The following MAGI2 variants were observed in gnomAD, a reference collection of about 807,000 sequenced individuals.
MAGI2 encodes membrane associated guanylate kinase, WW and PDZ domain containing 2.
MAGI2 carries 35 observed loss-of-function variants against 133.3 expected under a neutral mutation model. The ratio of observed to expected loss-of-function variants is 0.26; its 90% confidence interval spans 0.20 to 0.35. MAGI2 has a LOEUF of 0.35. Among genes scored for constraint, MAGI2 ranks in the 10% least tolerant of loss-of-function variants. The probability of loss-of-function intolerance (pLI) is 1.00; values close to 1 mark genes in which losing one functional copy is unlikely to be tolerated. For missense variants in MAGI2, 1,636 were observed against 1,863.4 expected, an observed-to-expected ratio of 0.88 and a Z score of 2.25; for synonymous variants, 729 against 710.6, an observed-to-expected ratio of 1.03 and a Z score of -0.41.
At chr7:78,717,206 G>T (rs144168866) in intron 2 of MAGI2, among the ~76,000 whole-genome samples, 4 of 152,032 alleles carry the variant, frequency 2.6e-5, no homozygotes, top group Non-Finnish European at 5.9e-5. Context: ...CTGTGTTACC[G>T]TCGAGCCGCC....
chr7:78,204,967 T>C (rs376596662), intron 10 of MAGI2, among the ~76,000 whole-genome samples: 2 of 152,310 alleles, frequency 1.3e-5, no homozygotes, highest in African/African-American at 4.8e-5. Context: ...AACTAGAATA[T>C]ATTTGTAACT....
intron 6 of MAGI2, among the ~76,000 whole-genome samples, chr7:78,424,670 C>G (rs949582339): frequency 6.6e-6 from 1 of 152,156 alleles, no homozygotes; most frequent in Non-Finnish European, 1.5e-5. Flanking sequence ...GGGAACCCAC[C>G]TCTTGTATCA....
chr7:78,140,038 C>A (rs1822582396), intron 16 of MAGI2, among the ~76,000 whole-genome samples: 1 of 152,174 alleles, frequency 6.6e-6, no homozygotes, highest in African/African-American at 2.4e-5. Flanking sequence ...AGCCACATCA[C>A]TACTGAAAGC....
chr7:79,432,219 C>T (rs566960266), intron 1 of MAGI2, among the ~76,000 whole-genome samples: 1 of 152,296 alleles, frequency 6.6e-6, no homozygotes, highest in African/African-American at 2.4e-5. Context: ...GAAAAAGATG[C>T]TTTAAAAATA....
At chr7:79,449,913 C>T (rs929241565) in intron 1 of MAGI2, among the ~76,000 whole-genome samples, 16 of 107,344 alleles carry the variant, frequency 1.5e-4, no homozygotes, top group African/African-American at 5.1e-4. Flanking sequence ...CTTAAAATCC[C>T]AACATTTTAA....
chr7:78,027,176 T>G (rs1326116867), intron 21 of MAGI2, among the ~76,000 whole-genome samples: 1 of 152,188 alleles, frequency 6.6e-6, no homozygotes, highest in Non-Finnish European at 1.5e-5. Context: ...TGAGGGCTCA[T>G]GTCTTCTTCT....
chr7:79,059,134 T>A (rs1291284766), intron 1 of MAGI2, among the ~76,000 whole-genome samples: 1 of 152,102 alleles, frequency 6.6e-6, no homozygotes, highest in African/African-American at 2.4e-5. Context: ...TTTTTAATTA[T>A]ATTATTTTAT....
At chr7:78,087,560 A>T (rs1428427499) in intron 20 of MAGI2, among the ~76,000 whole-genome samples, 1 of 151,708 alleles carries the variant, frequency 6.6e-6, no homozygotes, top group African/African-American at 2.4e-5. Flanking sequence ...TGAGCTTCTG[A>T]GGGTGTATTA....
intron 2 of MAGI2, among the ~76,000 whole-genome samples, chr7:78,773,952 A>G (rs1029747578): frequency 6.6e-6 from 1 of 152,206 alleles, no homozygotes; most frequent in Non-Finnish European, 1.5e-5. Context: ...AATTATAAGA[A>G]TTACCTGCAA....
At position 78,212,310 on chromosome 7, in the gene MAGI2, G is replaced by A. The variant is rs565845384; in HGVS notation, c.2048-11117C>T. 2.0e-5 allele frequency among the ~76,000 whole-genome samples: 3 copies of A among 152,324 alleles called. No homozygotes were observed. The East Asian group carries it at 5.8e-4, about 29-fold the overall frequency. On this transcript the variant is annotated intron_variant, in intron 10 of 21. Coordinates refer to ENST00000354212, the MANE Select transcript of MAGI2 (RefSeq NM_012301.4). ...AAAGATAATTTGCAGATGTGATTAA[G>A]GCTAAAGGCCTTCAGATGCAAAGAG...
intron 2 of MAGI2, among the ~76,000 whole-genome samples, chr7:78,713,085 T>C (rs191685543): frequency 9.9e-5 from 15 of 152,228 alleles, no homozygotes; most frequent in Non-Finnish European, 1.9e-4. Flanking sequence ...AAAAATATGC[T>C]TTTGGAAATG....
At chr7:78,745,750 T>C (rs1360302) in intron 2 of MAGI2, among the ~76,000 whole-genome samples, 68,901 of 152,020 alleles carry the variant, frequency 0.45, 15,843 homozygotes, top group Non-Finnish European at 0.47. Context: ...CCACTTACTA[T>C]TTCCCTTATT....
At chr7:78,922,754 T>C (rs1799362474) in intron 2 of MAGI2, among the ~76,000 whole-genome samples, 1 of 151,942 alleles carries the variant, frequency 6.6e-6, no homozygotes, top group African/African-American at 2.4e-5. Flanking sequence ...TCTAGATCCC[T>C]GAGGAATCGC....
At chr7:78,880,469 C>G (rs1046392181) in intron 2 of MAGI2, among the ~76,000 whole-genome samples, 1 of 152,064 alleles carries the variant, frequency 6.6e-6, no homozygotes, top group African/African-American at 2.4e-5. Flanking sequence ...TCATGTCCCC[C>G]CAAACTAAGC....
intron 1 of MAGI2, among the ~76,000 whole-genome samples, chr7:79,050,737 A>G (rs1448212231): frequency 6.6e-6 from 1 of 152,204 alleles, no homozygotes; most frequent in Non-Finnish European, 1.5e-5. Flanking sequence ...CCCACAAGAC[A>G]ATCAGAAGTT....
At chr7:79,239,390 T>C (rs558157321) in intron 1 of MAGI2, among the ~76,000 whole-genome samples, 1 of 152,298 alleles carries the variant, frequency 6.6e-6, no homozygotes, top group Non-Finnish European at 1.5e-5. Context: ...AGTGTTATGA[T>C]TAATAGTTTC....
intron 6 of MAGI2, among the ~76,000 whole-genome samples, chr7:78,461,933 A>G (rs1563034026): frequency 5.9e-5 from 8 of 136,696 alleles, no homozygotes; most frequent in South Asian, 4.8e-4. Context: ...AAAAAAAAAA[A>G]AAAAAAAAAA....
intron 9 of MAGI2, among the ~76,000 whole-genome samples, chr7:78,324,210 T>TACACTAC (rs1788342199): frequency 6.6e-6 from 1 of 151,380 alleles, no homozygotes; most frequent in African/African-American, 2.4e-5. Flanking sequence ...TACACTACAC[T>TACACTAC]ACACTTTAGA....
At chr7:78,597,298 CGT>C (rs1584784713) in intron 3 of MAGI2, among the ~76,000 whole-genome samples, 1 of 150,062 alleles carries the variant, frequency 6.7e-6, no homozygotes, top group East Asian at 2.0e-4. Flanking sequence ...AACATTATAA[CGT>C]ATACTTCTCA....
Sources: allele counts gnomAD v4.1 joint callset (sites outside exome capture counted in the v4.1 genomes callset), GRCh38; gene constraint gnomAD v4.1.1; transcripts MANE v1.5; gene names NCBI Gene and HGNC (gene_info 2026-07-23, HGNC 2026-07-21).